Variants in PTAFR observed in about 807,000 individuals in gnomAD.
PTAFR encodes the protein platelet-activating factor receptor.
Under a neutral mutation model 14.7 loss-of-function variants are expected in PTAFR, and 8 were observed. The ratio of observed to expected loss-of-function variants is 0.54; its 90% CI spans 0.32 to 0.98. The LOEUF (loss-of-function observed/expected upper bound fraction) is 0.98. Ranked by LOEUF, PTAFR falls within the 50% of genes least tolerant of loss-of-function variation. The pLI is 0.04. For missense variants in PTAFR, 337 were observed against 451.2 expected, an observed-to-expected ratio of 0.75 and a Z score of 2.29; for synonymous variants, 156 against 176.5, an observed-to-expected ratio of 0.88 and a Z score of 0.92.
chr1:28,173,860 C>T (rs570051567), intron 1 of PTAFR, among the ~76,000 whole-genome samples: 44 of 152,208 alleles, frequency 2.9e-4, no homozygotes, highest in African/African-American at 9.9e-4. Context: ...CAAACAAATA[C>T]ACACACAGAA....
chr1:28,163,181 A>G (rs313990), intron 1 of PTAFR, among the ~76,000 whole-genome samples: 43,913 of 152,074 alleles, frequency 0.29, 8,319 homozygotes, highest in African/African-American at 0.54. Flanking sequence ...CTGAAAAAGC[A>G]CTTCCTCTGG....
At chr1:28,180,858 T>A (rs1462747922), upstream of PTAFR, among the ~76,000 whole-genome samples, 1 of 147,126 alleles carries the variant, frequency 6.8e-6, no homozygotes, top group East Asian at 2.0e-4. Flanking sequence ...AGAGAAGAAA[T>A]AAAGAAGGAT....
intron 1 of PTAFR, among the ~76,000 whole-genome samples, chr1:28,156,373 A>G (rs1646264091): frequency 6.6e-6 from 1 of 152,210 alleles, no homozygotes; most frequent in African/African-American, 2.4e-5. Flanking sequence ...AAAACAACAT[A>G]TCACAGCAGC....
chr1:28,165,403 CAAAAAAAAA>C (rs36099131), intron 1 of PTAFR, among the ~76,000 whole-genome samples: 7 of 45,894 alleles, frequency 1.5e-4, no homozygotes, highest in Non-Finnish European at 1.8e-4. Flanking sequence ...GACTCTGTCT[CAAAAAAAAA>C]AAAAAAAAAA....
intron 1 of PTAFR, among the ~76,000 whole-genome samples, chr1:28,190,790 C>T (rs1010506997): frequency 1.3e-5 from 2 of 152,136 alleles, no homozygotes; most frequent in African/African-American, 4.8e-5. Context: ...TCTTCTCTTC[C>T]TCCTCACCAC....
At chr1:28,160,679 T>G (rs1046115797) in intron 1 of PTAFR, among the ~76,000 whole-genome samples, 1 of 152,048 alleles carries the variant, frequency 6.6e-6, no homozygotes, top group Non-Finnish European at 1.5e-5. Context: ...CTTGGGTCTA[T>G]CTGACTTCAG....
chr1:28,150,280 G>T lies in PTAFR; in HGVS notation c.742C>A (p.His248Asn), dbSNP rs1247199920. 1 of 1,612,044 alleles carries T rather than the reference G, an allele frequency of 6.2e-7. No individual in the cohort carries two copies. Among genetic ancestry groups the T allele is most frequent in the Non-Finnish European group, 8.5e-7 (1 of 1,178,402 alleles). Residue 248 changes from histidine to asparagine, a missense_variant, in exon 2 of 2, where the codon CAC becomes AAC. Physicochemically the swap from His to Asn is moderately conservative, Grantham distance 68 (BLOSUM62 1). Transcript: ENST00000373857. The surrounding 1 kb of genome is among the most constrained non-coding windows in gnomAD (Gnocchi z 6.3). ...LAVFIICFVPHHVVQLPWTLA... is the reference protein window; with the variant it reads ...LAVFIICFVPNHVVQLPWTLA... ...GTCCAGGGCAGCTGCACCACGTGGTGGGGCACGAAGCAGATGATGAACACC... is the reference window on the plus strand; with the variant it reads ...GTCCAGGGCAGCTGCACCACGTGGTTGGGCACGAAGCAGATGATGAACACC...
chr1:28,188,913 C>T (rs375022785), intron 1 of PTAFR, among the ~76,000 whole-genome samples: 14 of 143,074 alleles, frequency 9.8e-5, no homozygotes, highest in African/African-American at 3.4e-4. Flanking sequence ...CCCAAATGAC[C>T]GAGAAATATA....
At chr1:28,178,550 C>T (rs1646536750), upstream of PTAFR, among the ~76,000 whole-genome samples, 1 of 152,008 alleles carries the variant, frequency 6.6e-6, no homozygotes, top group African/African-American at 2.4e-5. Flanking sequence ...CATGACCCAC[C>T]GCGCCTGGCC....
chr1:28,187,316 G>T (rs1646614975), intron 1 of PTAFR, among the ~76,000 whole-genome samples: 2 of 152,046 alleles, frequency 1.3e-5, no homozygotes, highest in South Asian at 2.1e-4. Flanking sequence ...AATAAGAGTA[G>T]ATATTAGCTA....
chr1:28,179,166 C>T (rs1030513225), upstream of PTAFR, among the ~76,000 whole-genome samples: 4 of 152,130 alleles, frequency 2.6e-5, no homozygotes, highest in Non-Finnish European at 5.9e-5. Flanking sequence ...TGCTCCCCAG[C>T]CCAGATCCTT....
intron 1 of PTAFR, among the ~76,000 whole-genome samples, chr1:28,170,724 G>A (rs1211440534): frequency 6.8e-6 from 1 of 147,136 alleles, no homozygotes; most frequent in East Asian, 2.1e-4. Flanking sequence ...ATAAGGGCCC[G>A]GCGCGGTGGC....
intron 1 of PTAFR, among the ~76,000 whole-genome samples, chr1:28,182,762 C>T (rs1231289066): frequency 6.6e-6 from 1 of 152,150 alleles, no homozygotes; most frequent in Admixed American, 6.6e-5. Context: ...CTCCCTGCAA[C>T]CTCCGCCTCC....
upstream of PTAFR, among the ~76,000 whole-genome samples, chr1:28,179,896 G>A (rs1646548924): frequency 6.6e-6 from 1 of 151,922 alleles, no homozygotes. Context: ...AGAAAATATA[G>A]GGGACAGAGG....
rs190945759 is a variant in PTAFR at position 28,169,770 on chromosome 1, C to A, written c.-39+6822G>T. Among the ~76,000 whole-genome samples the A allele has an allele frequency of 1.8e-4, 28 of 152,226 alleles. No individual in the cohort carries two copies. In the East Asian group the frequency reaches 5.4e-3, roughly 29 times the overall value. ...ATCCCAGCACTTTGGGAGGCCAAGG[C>A]GGGCAGATCACTTGAGGTAAGGAGT... On this transcript the variant is annotated intron_variant, in intron 1 of 1. Transcript: ENST00000373857.
intron 1 of PTAFR, among the ~76,000 whole-genome samples, chr1:28,193,239 A>G (rs1424629745): frequency 6.6e-6 from 1 of 151,724 alleles, no homozygotes; most frequent in African/African-American, 2.4e-5. Flanking sequence ...GTTTGCAGTG[A>G]GTGGGTGGAG....
chr1:28,180,538 T>G (rs1302759871), upstream of PTAFR, among the ~76,000 whole-genome samples: 1 of 152,166 alleles, frequency 6.6e-6, no homozygotes, highest in African/African-American at 2.4e-5. Context: ...GAACCATTAA[T>G]GTGGTCCATA....
intron 1 of PTAFR, among the ~76,000 whole-genome samples, chr1:28,161,591 C>T (rs1390453779): frequency 1.3e-5 from 2 of 152,020 alleles, no homozygotes; most frequent in Non-Finnish European, 1.5e-5. Context: ...AAGTGATCTG[C>T]CTGATTTAGT....
At chr1:28,163,591 C>T (rs1422418796) in intron 1 of PTAFR, among the ~76,000 whole-genome samples, 1 of 152,180 alleles carries the variant, frequency 6.6e-6, no homozygotes, top group African/African-American at 2.4e-5. Flanking sequence ...CAAGTGACCT[C>T]GCCTCTCTAA....
Sources: allele counts gnomAD v4.1 joint callset (sites outside exome capture counted in the v4.1 genomes callset), GRCh38; gene constraint gnomAD v4.1.1; non-coding constraint Gnocchi (gnomAD v3.1); transcripts MANE v1.5; gene names NCBI Gene and HGNC (gene_info 2026-07-23, HGNC 2026-07-21).